Variants in CFAP52 observed in about 807,000 individuals in gnomAD.
The protein encoded by CFAP52 is cilia and flagella associated protein 52.
In CFAP52, 57 loss-of-function variants were observed where a neutral mutation model predicts 70.5. The observed-to-expected ratio is 0.81, with a 90% CI of 0.65 to 1.01. The LOEUF (loss-of-function observed/expected upper bound fraction) is 1.01. Among genes scored for constraint, CFAP52 ranks in the 50% least tolerant of loss-of-function variants. CFAP52 has a pLI of 0.00. For synonymous variants in CFAP52, 267 were observed against 292.5 expected, an observed-to-expected ratio of 0.91 and a Z score of 0.89; for missense variants, 785 against 788.5, an observed-to-expected ratio of 1.00 and a Z score of 0.05.
At chr17:9,588,139 C>T (rs138750666) in intron 3 of CFAP52, among the ~76,000 whole-genome samples, 2 of 152,106 alleles carry the variant, frequency 1.3e-5, no homozygotes, top group Non-Finnish European at 2.9e-5. Flanking sequence ...TTACATCCTG[C>T]GTGACTCAGC....
chr17:9,604,856 A>G (rs1018497562), intron 6 of CFAP52, among the ~76,000 whole-genome samples: 1 of 152,162 alleles, frequency 6.6e-6, no homozygotes, highest in Non-Finnish European at 1.5e-5. Context: ...TCTATGTCTT[A>G]TATCAGCCGG....
At chr17:9,596,794 C>A (rs925207036) in intron 4 of CFAP52, among the ~76,000 whole-genome samples, 1 of 151,968 alleles carries the variant, frequency 6.6e-6, no homozygotes, top group Non-Finnish European at 1.5e-5. Flanking sequence ...CGGCTCACTG[C>A]AACCTCCACC....
At chr17:9,594,069 G>T in intron 3 of CFAP52, 124 bp from the exon 4 acceptor site, 2 of 1,379,086 alleles carry the variant, frequency 1.5e-6, no homozygotes, top group Non-Finnish European at 1.9e-6. Flanking sequence ...GGGTAATTTT[G>T]TTGTTCGTTT....
At chr17:9,587,162 C>T (rs11657922) in intron 3 of CFAP52, among the ~76,000 whole-genome samples, 151,170 of 152,334 alleles carry the variant, frequency 0.99, 75,022 homozygotes, top group East Asian at 1. Context: ...GGATAATGGC[C>T]TCCAGCTCCA....
chr17:9,594,287 A>C lies in CFAP52; in HGVS notation c.502A>C (p.Arg168=). Reference sequence around the variant, plus strand: ...CAATGCCACCAATGTGATCTTCTCCAGGTGCCGGGATGAGATGTTTATGAC... The same window carrying C: ...CAATGCCACCAATGTGATCTTCTCCCGGTGCCGGGATGAGATGTTTATGAC... ...VGNATNVIFS[R]CRDEMFMTAG... is the part of the protein sequence containing the mutation. The change falls in exon 4 of 14, where the codon AGG becomes CGG. Residue 168 remains arginine, a synonymous_variant. Transcript: ENST00000352665. 1 of 1,613,964 alleles carries C rather than the reference A, an allele frequency of 6.2e-7. No homozygotes were observed. The highest frequency in any genetic ancestry group is 8.5e-7 in the Non-Finnish European group (1 of 1,179,972).
At chr17:9,576,910 C>A in intron 1 of CFAP52, 145 bp downstream of exon 1, 2 of 780,002 alleles carry the variant, frequency 2.6e-6, no homozygotes, top group Non-Finnish European at 3.9e-6. Flanking sequence ...CACAGGAGGA[C>A]CCGCACAGCC....
rs1555541351 is a variant in CFAP52, at chr17:9,593,978, T to TAAA, written c.408-213_408-212insAAA. Among the ~76,000 whole-genome samples, 8 of 152,016 alleles carry TAAA rather than the reference T, an allele frequency of 5.3e-5. 1 individual carries two copies. Among genetic ancestry groups the TAAA allele is most frequent in the African/African-American group, 1.9e-4 (8 of 41,468 alleles). ...GAAACTCCATCTCAAAAAGAAACAA[T>TAAA]AACAACAACAACAAAAAACTTTTAA... On this transcript the variant is annotated intron_variant, in intron 3 of 13. Transcript: ENST00000352665.
In CFAP52 at chr17:9,586,918, A is replaced by T. The variant is rs1051721295; in HGVS notation, c.407+84A>T. ...TCAGACGTACATGTGCAGGTTTGTT[A>T]TATAGGTAAACTTATGTCACGGGTT... On this transcript the variant is annotated intron_variant, in intron 3 of 13. Transcript: ENST00000352665. 3 of 1,423,266 alleles carry T rather than the reference A, an allele frequency of 2.1e-6. No individual in the cohort carries two copies. The East Asian group carries it at 7.7e-5, about 36-fold the overall frequency. The allele number at this position is 1,423,266 out of a possible 1,614,324, so 88.2% of individuals were successfully genotyped here.
downstream of CFAP52, chr17:9,645,533 T>G: frequency 9.3e-7 from 1 of 1,073,040 alleles, no homozygotes; most frequent in Non-Finnish European, 1.1e-6. The surrounding 1 kb of genome is among the most constrained non-coding windows in gnomAD (Gnocchi z 6.8). Flanking sequence ...GGCCCGCAGG[T>G]AGCCGGCACC....
chr17:9,596,447 T>C (rs1442380063), intron 4 of CFAP52, among the ~76,000 whole-genome samples: 1 of 152,050 alleles, frequency 6.6e-6, no homozygotes, highest in Non-Finnish European at 1.5e-5. Context: ...CCTTAAAATA[T>C]TAGCTGAAGT....
chr17:9,604,723 C>T (rs1482774147), intron 6 of CFAP52, among the ~76,000 whole-genome samples: 1 of 151,160 alleles, frequency 6.6e-6, no homozygotes, highest in Admixed American at 6.6e-5. Flanking sequence ...GCACTTCAGC[C>T]TGGGGGACAC....
At chr17:9,584,321 C>T in intron 1 of CFAP52, 3 of 1,289,832 alleles carry the variant, frequency 2.3e-6, no homozygotes, top group Non-Finnish European at 3.0e-6. Flanking sequence ...CGGGAGTTGC[C>T]TGTGGAAAGA....
chr17:9,643,725 T>C (rs2151956000), downstream of CFAP52, among the ~76,000 whole-genome samples: 1 of 152,378 alleles, frequency 6.6e-6, no homozygotes, highest in African/African-American at 2.4e-5. Flanking sequence ...GTGACTAATG[T>C]ACTAAAGCAT....
intron 4 of CFAP52, chr17:9,597,509 T>A (rs963469213): frequency 2.0e-5 from 3 of 151,998 alleles, no homozygotes; most frequent in Non-Finnish European, 4.4e-5. Context: ...ACTTGTCAAT[T>A]AGAAAGAAAA....
rs1305375421 is a variant in CFAP52 at position 9,576,735 on chromosome 17, C to A, written c.40C>A (p.Leu14Met). 6.2e-7 allele frequency: 1 copy of A among 1,612,604 alleles called. No individual in the cohort carries two copies. The highest frequency in any genetic ancestry group is 8.5e-7 in the Non-Finnish European group (1 of 1,179,282). The stretch of plus-strand genomic sequence containing the variant: ...TTCGCCGGAGGCCCAAGTGGCGGAG[C>A]TGGAACTTGACGCCGTGATCGGCTT... ...KISPEAQVAE[L>M]ELDAVIGFNG... Residue 14 changes from leucine to methionine, a missense_variant, in exon 1 of 14, where the codon CTG becomes ATG. Coordinates refer to ENST00000352665, the MANE Select transcript of CFAP52 (RefSeq NM_145054.5).
rs1313058909 is a variant in CFAP52 at position 9,585,824 on chromosome 17, A to T, written c.122A>T (p.Tyr41Phe). ...KCHPDQEHMI[Y>F]PLGCTVLIQA... ...CATCCTGACCAGGAGCATATGATTT[A>T]TCCTCTTGGTTGCACAGTCCTCATT... Residue 41 changes from tyrosine to phenylalanine, a missense_variant, in exon 2 of 14, where the codon TAT becomes TTT. By Grantham distance (22) the Tyr-to-Phe change is conservative. Coordinates refer to ENST00000352665, the MANE Select transcript of CFAP52 (RefSeq NM_145054.5). The T allele has an allele frequency of 6.2e-7, 1 of 1,613,948 alleles. No homozygotes were observed. The highest frequency in any genetic ancestry group is 1.3e-5 in the African/African-American group (1 of 74,876).
downstream of CFAP52, chr17:9,644,677 G>A (rs749179227): frequency 3.3e-5 from 5 of 152,108 alleles, no homozygotes; most frequent in Admixed American, 6.5e-5. Flanking sequence ...AACAAGGATC[G>A]TGCGTTAAGG....
At chr17:9,638,788 G>T in intron 12 of CFAP52, 77 bp downstream of exon 12, 4 of 1,436,236 alleles carry the variant, frequency 2.8e-6, no homozygotes, top group Non-Finnish European at 3.9e-6. Context: ...GAGGGTGCGG[G>T]CTCTGGAGTC....
In CFAP52 at chr17:9,638,669, C is replaced by T; in HGVS notation, c.1533C>T (p.His511=). The change falls in exon 12 of 14, where the codon CAC becomes CAT. Residue 511 remains histidine (H), a synonymous_variant. Coordinates refer to ENST00000352665, the MANE Select transcript of CFAP52 (RefSeq NM_145054.5). ...ANTLFQCVCY[H]PEEFQIITSG... is the part of the protein sequence containing the mutation. ...CCTTATTCCAGTGTGTGTGCTATCACCCTGAGGAGTTCCAGATCATCACCA... is the reference window on the plus strand; with the variant it reads ...CCTTATTCCAGTGTGTGTGCTATCATCCTGAGGAGTTCCAGATCATCACCA... The T allele has an allele frequency of 6.2e-7, 1 of 1,614,192 alleles. No homozygotes were observed. Among genetic ancestry groups the T allele is most frequent in the South Asian group, 1.1e-5 (1 of 91,080 alleles).
Sources: allele counts gnomAD v4.1 joint callset (sites outside exome capture counted in the v4.1 genomes callset), GRCh38; gene constraint gnomAD v4.1.1; non-coding constraint Gnocchi (gnomAD v3.1); transcripts MANE v1.5; gene names NCBI Gene and HGNC (gene_info 2026-07-23, HGNC 2026-07-21).